Variants in FNDC3A observed in about 807,000 individuals in gnomAD.
The protein encoded by FNDC3A is fibronectin type III domain containing 3A.
FNDC3A carries 32 observed loss-of-function variants against 148.9 expected under a neutral mutation model. The observed-to-expected ratio is 0.21, with a 90% CI of 0.16 to 0.29. The LOEUF (loss-of-function observed/expected upper bound fraction) is 0.29, where lower values mean the gene tolerates loss of function less well. FNDC3A is among the 10% of genes least tolerant of loss of function. The pLI is 1.00. For synonymous variants in FNDC3A, 472 were observed against 473.6 expected (o/e 1.00, Z 0.04); for missense variants, 1,191 against 1,452.8 (o/e 0.82, Z 2.93).
At chr13:49,018,212 T>C (rs371943700) in intron 2 of FNDC3A, among the ~76,000 whole-genome samples, 70 of 152,198 alleles carry the variant, frequency 4.6e-4, no homozygotes, top group African/African-American at 1.3e-3. Context: ...AACTTGGTTC[T>C]ATTCTCCCCG....
At chr13:49,106,684 T>TA (rs1338120877) in intron 3 of FNDC3A, among the ~76,000 whole-genome samples, 2 of 149,248 alleles carry the variant, frequency 1.3e-5, no homozygotes, top group Non-Finnish European at 3.0e-5. Context: ...TTTACTTATT[T>TA]ACCATGTTAT....
At chr13:49,009,467 G>A (rs965031299) in intron 2 of FNDC3A, among the ~76,000 whole-genome samples, 4 of 152,236 alleles carry the variant, frequency 2.6e-5, no homozygotes, top group Non-Finnish European at 5.9e-5. Flanking sequence ...TAATTCACGT[G>A]GATAAATACC....
chr13:49,111,553 C>A (rs1440691491), intron 3 of FNDC3A, among the ~76,000 whole-genome samples: 1 of 151,868 alleles, frequency 6.6e-6, no homozygotes, highest in African/African-American at 2.4e-5. Flanking sequence ...TGGTGAAACC[C>A]CGTCTCTACT....
At chr13:49,018,904 G>T (rs1479686245) in intron 2 of FNDC3A, among the ~76,000 whole-genome samples, 1 of 151,910 alleles carries the variant, frequency 6.6e-6, no homozygotes, top group Non-Finnish European at 1.5e-5. Context: ...CCTCCCAGTT[G>T]GGCTGCTTGG....
rs1431684530 is a variant in FNDC3A, at chr13:49,027,284, T to A, written c.99+20995T>A. Among the ~76,000 whole-genome samples, 5 of 152,312 alleles carry A rather than the reference T, an allele frequency of 3.3e-5. No homozygotes were observed. The East Asian group carries it at 9.6e-4, about 29-fold the overall frequency. ...TGGTTCTAGGTAAGTAATGATCTAGTTGATACTAATAAAACAGTTAGAAAT... is the reference window on the plus strand; with the variant it reads ...TGGTTCTAGGTAAGTAATGATCTAGATGATACTAATAAAACAGTTAGAAAT... On this transcript the variant is annotated intron_variant, in intron 2 of 25. Transcript: ENST00000492622.
At chr13:49,147,075 T>C (rs1361750920) in intron 8 of FNDC3A, among the ~76,000 whole-genome samples, 2 of 152,228 alleles carry the variant, frequency 1.3e-5, no homozygotes, top group Middle Eastern at 3.2e-3. Flanking sequence ...CATAAGGTTA[T>C]AAAAATTTCC....
At chr13:49,001,631 G>A (rs1048146541) in intron 1 of FNDC3A, among the ~76,000 whole-genome samples, 1 of 152,140 alleles carries the variant, frequency 6.6e-6, no homozygotes, top group Non-Finnish European at 1.5e-5. Flanking sequence ...TGGCTGCTTT[G>A]GGGGCGGCTG....
intron 2 of FNDC3A, among the ~76,000 whole-genome samples, chr13:49,028,206 C>T (rs1320457108): frequency 6.6e-6 from 1 of 151,498 alleles, no homozygotes; most frequent in African/African-American, 2.4e-5. Context: ...CAGAGTGAGA[C>T]TCTGTCTTAA....
At chr13:49,135,370 A>G (rs1167976939) in intron 5 of FNDC3A, among the ~76,000 whole-genome samples, 1 of 151,934 alleles carries the variant, frequency 6.6e-6, no homozygotes, top group Non-Finnish European at 1.5e-5. Context: ...ATGAAATCTA[A>G]TTTTTTCTTT....
At chr13:49,158,969 A>G (rs550661783) in intron 8 of FNDC3A, among the ~76,000 whole-genome samples, 1 of 152,230 alleles carries the variant, frequency 6.6e-6, no homozygotes, top group South Asian at 2.1e-4. Context: ...GTTCTGTTCC[A>G]TTGGTCTACA....
intron 8 of FNDC3A, among the ~76,000 whole-genome samples, chr13:49,162,106 A>C (rs1366234858): frequency 6.6e-6 from 1 of 151,576 alleles, no homozygotes; most frequent in Non-Finnish European, 1.5e-5. Flanking sequence ...CTTCTCAAGG[A>C]GTGTCTTTGT....
chr13:49,046,977 A>G (rs983836113), intron 2 of FNDC3A, among the ~76,000 whole-genome samples: 2 of 152,020 alleles, frequency 1.3e-5, no homozygotes, highest in African/African-American at 2.4e-5. Flanking sequence ...ACTGTACCCA[A>G]TGTGTAGTCT....
At position 49,149,253 on chromosome 13, in the gene FNDC3A, G is replaced by T. The variant is rs150224952; in HGVS notation, c.977+3318G>T. Among the ~76,000 whole-genome samples, 39 of 151,878 alleles carry T rather than the reference G, an allele frequency of 2.6e-4. No individual in the cohort carries two copies. In the East Asian group the frequency reaches 6.8e-3, roughly 26 times the overall value. On this transcript the variant is annotated intron_variant, in intron 8 of 25. Coordinates refer to ENST00000492622, the MANE Select transcript of FNDC3A (RefSeq NM_001079673.2). ...ACTTCCAGTACCATATTGGAGTGGT[G>T]AGAGTAGGCATCCTTGTCTTGTTCG... is the stretch of plus-strand genomic sequence containing the variant.
In FNDC3A at chr13:49,138,652, A is replaced by G. The variant is rs548109079; in HGVS notation, c.761-95A>G. 21 of 606,434 alleles carry G rather than the reference A, an allele frequency of 3.5e-5. No homozygotes were observed. The East Asian group carries it at 6.1e-4, about 18-fold the overall frequency. The allele number at this position is 606,434 out of a possible 1,614,324, so 37.6% of individuals were successfully genotyped here. A position where few individuals can be genotyped will look rare whatever the true frequency, so the allele number is the denominator to read the frequency against. ...TAAAAACTAGAAAATAAAAGTCTCA[A>G]ATACCAACCTAGTTTCAGAATACAT... On this transcript the variant is annotated intron_variant, in intron 6 of 25. Coordinates refer to ENST00000492622, the MANE Select transcript of FNDC3A (RefSeq NM_001079673.2).
rs537686141 is a variant in FNDC3A at position 49,013,882 on chromosome 13, A to G, written c.99+7593A>G. ...TTGTTCTTGCAGTAGTTTACTGAGAATGATGATTTCCAATTTCATCCATGT... is the reference window on the plus strand; with the variant it reads ...TTGTTCTTGCAGTAGTTTACTGAGAGTGATGATTTCCAATTTCATCCATGT... On this transcript the variant is annotated intron_variant, in intron 2 of 25. Transcript: ENST00000492622. Among the ~76,000 whole-genome samples the G allele has an allele frequency of 5.3e-3, 798 of 151,810 alleles. 7 individuals carry two copies. The highest frequency in any genetic ancestry group is 0.018 in the African/African-American group (761 of 41,376).
chr13:49,131,354 C>T lies in FNDC3A; in HGVS notation c.470C>T (p.Ser157Leu), dbSNP rs770701778. 6.2e-7 allele frequency: 1 copy of T among 1,612,208 alleles called. No homozygotes were observed. Among genetic ancestry groups the T allele is most frequent in the Non-Finnish European group, 8.5e-7 (1 of 1,178,346 alleles). The change falls in exon 5 of 26, where the codon TCA (serine) becomes TTA (leucine). Residue 157 changes from serine (S) to leucine (L), a missense_variant. This residue lies in a region of FNDC3A where 426 missense variants were observed against 473.2 expected (regional missense o/e 0.90). Coordinates refer to ENST00000492622, the MANE Select transcript of FNDC3A (RefSeq NM_001079673.2). ...TTQYMPQYQSSQVYGDVDAHS... is the reference protein window; with the variant it reads ...TTQYMPQYQSLQVYGDVDAHS... ...CAGTATATGCCACAGTATCAGTCTTCACAAGTCTATGGAGATGTAGGTAAG... is the reference window on the plus strand; with the variant it reads ...CAGTATATGCCACAGTATCAGTCTTTACAAGTCTATGGAGATGTAGGTAAG...
At chr13:49,181,849 T>C (rs1214794202) in intron 14 of FNDC3A, among the ~76,000 whole-genome samples, 1 of 152,096 alleles carries the variant, frequency 6.6e-6, no homozygotes, top group Non-Finnish European at 1.5e-5. Flanking sequence ...ACTACTAATA[T>C]GACCAAGTTT....
intron 11 of FNDC3A, among the ~76,000 whole-genome samples, chr13:49,174,162 G>T (rs556433742): frequency 1.3e-5 from 2 of 152,020 alleles, no homozygotes; most frequent in African/African-American, 4.8e-5. Flanking sequence ...GTCCATACCT[G>T]CAGAGTTTCC....
At chr13:49,152,485 A>C (rs1883363661) in intron 8 of FNDC3A, among the ~76,000 whole-genome samples, 1 of 151,226 alleles carries the variant, frequency 6.6e-6, no homozygotes, top group South Asian at 2.1e-4. Context: ...CCTTTGTCAG[A>C]TGGGTAGATT....
Sources: gnomAD v4.1 joint callset for allele counts (sites outside exome capture counted in the v4.1 genomes callset) on GRCh38, gnomAD v4.1.1 for gene constraint, gnomAD v4.1.1 regional missense constraint, MANE v1.5 for transcripts, NCBI Gene and HGNC (gene_info 2026-07-23, HGNC 2026-07-21) for gene names.